JPH4: variants seen among roughly 807,000 people sequenced by gnomAD.
JPH4 encodes the protein junctophilin-4.
JPH4 carries 18 observed loss-of-function variants against 57.6 expected under a neutral mutation model. The observed-to-expected ratio is 0.31, with a 90% CI of 0.22 to 0.46. The LOEUF is 0.46. Ranked by LOEUF, JPH4 falls within the 20% of genes least tolerant of loss-of-function variation. JPH4 has a pLI of 1.00. For synonymous variants in JPH4, 425 were observed against 406.6 expected (o/e 1.05, Z -0.54); for missense variants, 727 against 911.1 (o/e 0.80, Z 2.60).
rs1326764685 is a variant in JPH4, at chr14:23,568,952, G to A, written c.*682C>T. The A allele has an allele frequency of 4.4e-6, 1 of 227,586 alleles. No individual in the cohort carries two copies. Among genetic ancestry groups the A allele is most frequent in the Admixed American group, 6.5e-5 (1 of 15,470 alleles). The allele number at this position is 227,586 out of a possible 1,614,324, so 14.1% of individuals were successfully genotyped here. ...GCTGGAGGAGGGGCTGGCCGATGAG[G>A]AGAAAAAGAGGGAAATGCTGGGGAG... On this transcript the variant is annotated 3_prime_UTR_variant, in exon 6 of 6. Coordinates refer to ENST00000356300, the MANE Select transcript of JPH4 (RefSeq NM_001146028.2).
Position 23,576,017 on chromosome 14 carries a change from G to C in JPH4, c.819C>G (p.Leu273=). The C allele has an allele frequency of 7.2e-7, 1 of 1,386,752 alleles. No individual in the cohort carries two copies. The highest frequency in any genetic ancestry group is 9.3e-7 in the Non-Finnish European group (1 of 1,077,684). 85.9% of individuals were successfully genotyped at this position (1,386,752 alleles called of 1,614,324 possible). A position where few individuals can be genotyped will look rare whatever the true frequency, so the allele number is the denominator to read the frequency against. ...SGPPAAAPPA[L]IEGSATEVYA... ...ACACCTCTGTGGCCGAGCCCTCGAT[G>C]AGGGCGGGCGGCGCTGCGGCCGGGG... is the stretch of plus-strand genomic sequence containing the variant. The change falls in exon 3 of 6, where the codon CTC becomes CTG. Residue 273 remains leucine (L), a synonymous_variant. Transcript: ENST00000356300. This position sits in a 1 kb window ranked among gnomAD's most constrained non-coding sequence, Gnocchi z 8.0.
At position 23,578,072 on chromosome 14, in the gene JPH4, G is replaced by A. The variant is rs1404098012; in HGVS notation, c.-172+108C>T. On this transcript the variant is annotated intron_variant, in intron 1 of 5. Coordinates refer to ENST00000356300, the MANE Select transcript of JPH4 (RefSeq NM_001146028.2). ...AAGGTAGGCAGACGGTTTTTCGGGG[G>A]GTTTTTCGGGGGGTTTTTCGGGGGA... 2.5e-5 allele frequency: 3 copies of A among 122,230 alleles called. No individual in the cohort carries two copies. In the East Asian group the frequency reaches 7.3e-4, roughly 30 times the overall value. 7.6% of individuals were successfully genotyped at this position (122,230 alleles called of 1,614,324 possible).
At position 23,575,891 on chromosome 14, in the gene JPH4, G is replaced by A. The variant is rs1307812574; in HGVS notation, c.945C>T (p.His315=). The change falls in exon 3 of 6, where the codon CAC becomes CAT. Residue 315 remains histidine, a synonymous_variant. Coordinates refer to ENST00000356300, the MANE Select transcript of JPH4 (RefSeq NM_001146028.2). This position sits in a 1 kb window ranked among gnomAD's most constrained non-coding sequence, Gnocchi z 6.9. ...YEGEWLGNRR[H]GYGRTTRPDG... ...CGGGGCGGGTGGTGCGCCCGTAGCC[G>A]TGCCGCCGGTTGCCCAGCCACTCGC... The A allele has an allele frequency of 1.3e-6, 2 of 1,571,932 alleles. No homozygotes were observed. The highest frequency in any genetic ancestry group is 3.5e-5 in the Admixed American group (2 of 56,992).
intron 3 of JPH4, among the ~76,000 whole-genome samples, chr14:23,572,424 GTCCTGTACCT>G (rs1889175970): frequency 6.6e-6 from 1 of 151,698 alleles, no homozygotes; most frequent in Admixed American, 6.6e-5. Flanking sequence ...CTAGCACAGG[GTCCTGTACCT>G]TGATCCTCCC....
At position 23,571,253 on chromosome 14, in the gene JPH4, T is replaced by C. The variant is rs757832493; in HGVS notation, c.1478A>G (p.Lys493Arg). ...GGDQGPFSSPKAWPEEWGGAG... is the reference protein window; with the variant it reads ...GGDQGPFSSPRAWPEEWGGAG... The stretch of plus-strand genomic sequence containing the variant: ...CCCCCCCCACTCCTCAGGCCAAGCT[T>C]TGGGGCTGGAGAAGGGACCCTGGTC... Residue 493 changes from lysine to arginine, a missense_variant, in exon 5 of 6, where the codon AAA (lysine) becomes AGA (arginine). Physicochemically the swap from Lys to Arg is conservative, Grantham distance 26. This residue lies in a region of JPH4 where 293 missense variants were observed against 279.8 expected (regional missense o/e 1.05). Transcript: ENST00000356300. The surrounding 1 kb of genome is among the most constrained non-coding windows in gnomAD (Gnocchi z 4.6). The C allele has an allele frequency of 4.4e-6, 7 of 1,608,610 alleles. No homozygotes were observed. Among genetic ancestry groups the C allele is most frequent in the Non-Finnish European group, 5.9e-6 (7 of 1,177,116 alleles).
Position 23,571,098 on chromosome 14 carries a change from C to G in JPH4, c.1633G>C (p.Glu545Gln), listed in dbSNP as rs376601947. Reference protein sequence around the residue: ...CSDSSGSLREEEGEDEEPLPP... With the variant: ...CSDSSGSLREQEGEDEEPLPP... ...AGGGGCTCTTCATCCTCCCCCTCCT[C>G]CTCTCGAAGACTTCCTGAACTGTCG... Residue 545 changes from glutamate to glutamine, a missense_variant, in exon 5 of 6, where the codon GAG (glutamate) becomes CAG (glutamine). Glu to Gln is a conservative substitution (Grantham distance 29). Coordinates refer to ENST00000356300, the MANE Select transcript of JPH4 (RefSeq NM_001146028.2). The surrounding 1 kb of genome is among the most constrained non-coding windows in gnomAD (Gnocchi z 4.6). 2.0e-4 allele frequency: 330 copies of G among 1,614,038 alleles called. 1 individual carries two copies. Among genetic ancestry groups the G allele is most frequent in the Middle Eastern group, 1.3e-3 (8 of 6,060 alleles).
rs1889119684 is a variant in JPH4 at position 23,570,946 on chromosome 14, G to A, written c.1785C>T (p.Thr595=). ...LTEELGEPAA[T]ERPAQPGAAN... ...ATCTCACCGGCTGGGCAGGCCTCTC[G>A]GTTGCAGCGGGCTCCCCGAGCTCTT... Residue 595 remains threonine (T), a synonymous_variant, in exon 5 of 6, where the codon ACC becomes ACT. Coordinates refer to ENST00000356300, the MANE Select transcript of JPH4 (RefSeq NM_001146028.2). 1.3e-6 allele frequency: 2 copies of A among 1,515,934 alleles called. No individual in the cohort carries two copies. The highest frequency in any genetic ancestry group is 1.8e-6 in the Non-Finnish European group (2 of 1,133,252). The allele number at this position is 1,515,934 out of a possible 1,614,324, so 93.9% of individuals were successfully genotyped here. A position where few individuals can be genotyped will look rare whatever the true frequency, so the allele number is the denominator to read the frequency against.
At position 23,571,959 on chromosome 14, in the gene JPH4, C is replaced by T. The variant is rs373231748; in HGVS notation, c.1152-39G>A. The stretch of plus-strand genomic sequence containing the variant: ...AGACAGGGATTTAGCAGAACTTCCC[C>T]CACTTCAAGTTAGTCCCTGCTCAGA... On this transcript the variant is annotated intron_variant, in intron 3 of 5. Coordinates refer to ENST00000356300, the MANE Select transcript of JPH4 (RefSeq NM_001146028.2). This position sits in a 1 kb window ranked among gnomAD's most constrained non-coding sequence, Gnocchi z 4.6. 7.0e-6 allele frequency: 11 copies of T among 1,581,768 alleles called. No homozygotes were observed. The South Asian group carries it at 8.8e-5, about 13-fold the overall frequency.
chr14:23,571,029 C>T lies in JPH4; in HGVS notation c.1702G>A (p.Ala568Thr), dbSNP rs374606285. 1.9e-5 allele frequency: 31 copies of T among 1,594,086 alleles called. No individual in the cohort carries two copies. The Admixed American group carries it at 2.2e-4, about 11-fold the overall frequency. The part of the protein sequence containing the change: ...APAGTEPEPI[A>T]MLVLRGSSSR... ...GACGAGCCCCTCAGGACCAGCATGGCGATGGGCTCAGGCTCCGTGCCTGCT... is the reference window on the plus strand; with the variant it reads ...GACGAGCCCCTCAGGACCAGCATGGTGATGGGCTCAGGCTCCGTGCCTGCT... The change falls in exon 5 of 6, where the codon GCC becomes ACC. Residue 568 changes from alanine (A) to threonine (T), a missense_variant. Ala to Thr is a moderately conservative substitution (Grantham distance 58). Transcript: ENST00000356300. The surrounding 1 kb of genome is among the most constrained non-coding windows in gnomAD (Gnocchi z 4.6).
chr14:23,568,080 CTTTG>C lies in JPH4; in HGVS notation c.*1550_*1553del. On this transcript the variant is annotated 3_prime_UTR_variant, in exon 6 of 6. Transcript: ENST00000356300. ...TTAATATATTTTTTTTGTTAAATTT[CTTTG>C]TATTTTTTTCCTGCAAGACTTGGTG... 1.0e-6 allele frequency: 1 copy of C among 983,710 alleles called. No individual in the cohort carries two copies. 60.9% of individuals were successfully genotyped at this position (983,710 alleles called of 1,614,324 possible).
Position 23,576,306 on chromosome 14 carries a change from AG to A in JPH4, c.529del (p.Leu177CysfsTer72). ...HSDPPTPPPP[L>X]PLPGDEGGSP... The stretch of plus-strand genomic sequence containing the variant: ...GCCTCCCTCGTCGCCCGGCAAGGGC[AG>A]GGGCGGGGGTGGCGTCGGGGGGTCG... On this transcript the variant is annotated frameshift_variant, in exon 3 of 6. Transcript: ENST00000356300. LOFTEE classifies it high-confidence loss of function. The surrounding 1 kb of genome is among the most constrained non-coding windows in gnomAD (Gnocchi z 8.0). 7.8e-7 allele frequency: 1 copy of A among 1,281,832 alleles called. No homozygotes were observed. 79.4% of individuals were successfully genotyped at this position (1,281,832 alleles called of 1,614,324 possible). A position where few individuals can be genotyped will look rare whatever the true frequency, so the allele number is the denominator to read the frequency against.
rs1889011783 is a variant in JPH4 at position 23,569,427 on chromosome 14, A to G, written c.*207T>C. The G allele has an allele frequency of 1.7e-6, 1 of 575,808 alleles. No individual in the cohort carries two copies. The highest frequency in any genetic ancestry group is 2.0e-5 in the South Asian group (1 of 49,072). 35.7% of individuals were successfully genotyped at this position (575,808 alleles called of 1,614,324 possible). On this transcript the variant is annotated 3_prime_UTR_variant, in exon 6 of 6. Coordinates refer to ENST00000356300, the MANE Select transcript of JPH4 (RefSeq NM_001146028.2). This position sits in a 1 kb window ranked among gnomAD's most constrained non-coding sequence, Gnocchi z 4.8. ...GGATGGGGAAGGGAGTGAGGAATAC[A>G]GAGACAGATCCAGAAGAAATGAGAT...
At position 23,576,230 on chromosome 14, in the gene JPH4, G is replaced by A; in HGVS notation, c.606C>T (p.Asp202=). ...GCTTTCGGGACGACGCGCCGTCGGCGTCCCCGGGCCCGGCCAGCACGAAGC... is the reference window on the plus strand; with the variant it reads ...GCTTTCGGGACGACGCGCCGTCGGCATCCCCGGGCCCGGCCAGCACGAAGC... ...RGGFVLAGPG[D]ADGASSRKRT... Residue 202 remains aspartate (D), a synonymous_variant, in exon 3 of 6, where the codon GAC becomes GAT. Coordinates refer to ENST00000356300, the MANE Select transcript of JPH4 (RefSeq NM_001146028.2). This position sits in a 1 kb window ranked among gnomAD's most constrained non-coding sequence, Gnocchi z 8.0. The A allele has an allele frequency of 7.9e-7, 1 of 1,272,670 alleles. No homozygotes were observed. Among genetic ancestry groups the A allele is most frequent in the Non-Finnish European group, 9.9e-7 (1 of 1,010,992 alleles). 78.8% of individuals were successfully genotyped at this position (1,272,670 alleles called of 1,614,324 possible).
rs767075479 is a variant in JPH4 at position 23,571,424 on chromosome 14, G to A, written c.1307C>T (p.Thr436Met). 22 of 1,599,414 alleles carry A rather than the reference G, an allele frequency of 1.4e-5. No homozygotes were observed. Among genetic ancestry groups the A allele is most frequent in the South Asian group, 4.4e-5 (4 of 91,076 alleles). Residue 436 changes from threonine to methionine, a missense_variant, in exon 5 of 6, where the codon ACG (threonine) becomes ATG (methionine). Coordinates refer to ENST00000356300, the MANE Select transcript of JPH4 (RefSeq NM_001146028.2). The surrounding 1 kb of genome is among the most constrained non-coding windows in gnomAD (Gnocchi z 4.6). ...AGGGCTGTCCTCATCCAGGGGCTCC[G>A]TGTCGGAACCTTCTGAGTCCTGCCT... ...RPRQDSEGSDTEPLDEDSPGV... is the reference protein window; with the variant it reads ...RPRQDSEGSDMEPLDEDSPGV...
In JPH4 at chr14:23,576,231, TC is replaced by T. The variant is rs1269983486; in HGVS notation, c.604del (p.Asp202ThrfsTer47). On this transcript the variant is annotated frameshift_variant, in exon 3 of 6. Transcript: ENST00000356300. LOFTEE classifies it high-confidence loss of function. This position sits in a 1 kb window ranked among gnomAD's most constrained non-coding sequence, Gnocchi z 8.0. ...CTTTCGGGACGACGCGCCGTCGGCGTCCCCGGGCCCGGCCAGCACGAAGCCG... is the reference window on the plus strand; with the variant it reads ...CTTTCGGGACGACGCGCCGTCGGCGTCCCGGGCCCGGCCAGCACGAAGCCG... ...RGGFVLAGPG[D>X]ADGASSRKRT... is the part of the protein sequence containing the mutation. 1.6e-6 allele frequency: 2 copies of T among 1,270,604 alleles called. No individual in the cohort carries two copies. Among genetic ancestry groups the T allele is most frequent in the Non-Finnish European group, 2.0e-6 (2 of 1,009,912 alleles). The allele number at this position is 1,270,604 out of a possible 1,614,324, so 78.7% of individuals were successfully genotyped here.
chr14:23,568,333 G>A lies in JPH4; in HGVS notation c.*1301C>T, dbSNP rs918101344. On this transcript the variant is annotated 3_prime_UTR_variant, in exon 6 of 6. Transcript: ENST00000356300. ...CCTCTGCCTCATGCAGGGGAGGGAG[G>A]AAAGATCCCCTGGGGACCCTGCAGT... 6.1e-6 allele frequency: 6 copies of A among 985,676 alleles called. No individual in the cohort carries two copies. The highest frequency in any genetic ancestry group is 5.2e-5 in the African/African-American group (3 of 57,218). The allele number at this position is 985,676 out of a possible 1,614,324, so 61.1% of individuals were successfully genotyped here.
chr14:23,575,681 C>G lies in JPH4; in HGVS notation c.1151+4G>C. The G allele has an allele frequency of 6.3e-7, 1 of 1,598,190 alleles. No individual in the cohort carries two copies. Among genetic ancestry groups the G allele is most frequent in the Admixed American group, 1.7e-5 (1 of 58,702 alleles). ...CAGCTTTGGCCTCTGAACTGGACGC[C>G]CACCTGGCAGCGGCGATCTCCTGGC... On this transcript the variant is annotated splice_donor_region_variant and intron_variant, in intron 3 of 5. Transcript: ENST00000356300. The surrounding 1 kb of genome is among the most constrained non-coding windows in gnomAD (Gnocchi z 6.9).
chr14:23,574,417 C>G (rs1161929541), intron 3 of JPH4, among the ~76,000 whole-genome samples: 1 of 151,956 alleles, frequency 6.6e-6, no homozygotes, highest in East Asian at 1.9e-4. Flanking sequence ...GGTGATCCAC[C>G]CACCTCGGCC....
rs1889249889 is a variant in JPH4, at chr14:23,575,577, A to G, written c.1151+108T>C. On this transcript the variant is annotated intron_variant, in intron 3 of 5. Coordinates refer to ENST00000356300, the MANE Select transcript of JPH4 (RefSeq NM_001146028.2). The surrounding 1 kb of genome is among the most constrained non-coding windows in gnomAD (Gnocchi z 6.9). ...TGCCTGGCCTTAGGCTTGCAATAGC[A>G]GGCCCTAGGCCTTGGGCCTTGGGCC... 1.4e-6 allele frequency: 2 copies of G among 1,401,896 alleles called. No individual in the cohort carries two copies. The highest frequency in any genetic ancestry group is 1.9e-6 in the Non-Finnish European group (2 of 1,035,300). The allele number at this position is 1,401,896 out of a possible 1,614,324, so 86.8% of individuals were successfully genotyped here.
Sources: gnomAD v4.1 joint callset for allele counts (sites outside exome capture counted in the v4.1 genomes callset) on GRCh38, gnomAD v4.1.1 for gene constraint, gnomAD v4.1.1 regional missense constraint, Gnocchi (gnomAD v3.1) non-coding constraint, MANE v1.5 for transcripts, NCBI Gene and HGNC (gene_info 2026-07-23, HGNC 2026-07-21) for gene names.